The following SAXO1 variants were observed in gnomAD, a reference collection of about 807,000 sequenced individuals.
The protein encoded by SAXO1 is stabilizer of axonemal microtubules 1.
Under a neutral mutation model 17.5 loss-of-function variants are expected in SAXO1, and 21 were observed. The ratio of observed to expected loss-of-function variants is 1.20; its 90% CI spans 0.85 to 1.72. The LOEUF (loss-of-function observed/expected upper bound fraction) is 1.72, where lower values mean the gene tolerates loss of function less well. Among genes scored for constraint, SAXO1 ranks in the 40% most tolerant of loss-of-function variants. The pLI is 0.00. For missense variants in SAXO1, 843 were observed against 596.0 expected (o/e 1.41, Z -4.32); for synonymous variants, 274 against 216.5 (o/e 1.27, Z -2.33).
chr9:18,933,116 G>A (rs1831126358), intron 3 of SAXO1, among the ~76,000 whole-genome samples: 1 of 152,198 alleles, frequency 6.6e-6, no homozygotes, highest in Non-Finnish European at 1.5e-5. Context: ...CAATCTTAGG[G>A]GGAAGCCATT....
intron 1 of SAXO1, among the ~76,000 whole-genome samples, chr9:19,041,033 AT>A (rs1215203656): frequency 2.0e-5 from 3 of 152,050 alleles, no homozygotes; most frequent in Non-Finnish European, 2.9e-5. Flanking sequence ...ATGTTCTTAT[AT>A]TTGGAAAAAC....
chr9:18,929,511 C>T (rs1207749129), intron 3 of SAXO1, among the ~76,000 whole-genome samples: 1 of 152,202 alleles, frequency 6.6e-6, no homozygotes, highest in Non-Finnish European at 1.5e-5. Context: ...TGAACCAGGC[C>T]TACCTGGTCG....
intron 1 of SAXO1, among the ~76,000 whole-genome samples, chr9:18,959,866 T>C (rs1480920616): frequency 6.7e-6 from 1 of 148,430 alleles, no homozygotes; most frequent in African/African-American, 2.5e-5. Context: ...ATTCCAGGAG[T>C]AGTAATGCCA....
At chr9:18,987,897 A>C (rs1833660052) in intron 1 of SAXO1, among the ~76,000 whole-genome samples, 1 of 38,504 alleles carries the variant, frequency 2.6e-5, no homozygotes, top group Non-Finnish European at 1.1e-4. Flanking sequence ...ACCCTGTCTC[A>C]AAAAAAAAAA....
intron 1 of SAXO1, among the ~76,000 whole-genome samples, chr9:19,008,417 T>C (rs569504879): frequency 6.6e-6 from 1 of 152,326 alleles, no homozygotes; most frequent in Non-Finnish European, 1.5e-5. Context: ...ATCCAAGCAA[T>C]AGGGCCATTC....
At chr9:19,016,798 C>CT (rs34423268) in intron 1 of SAXO1, among the ~76,000 whole-genome samples, 5,925 of 111,228 alleles carry the variant, frequency 0.053, 220 homozygotes, top group African/African-American at 0.067. Flanking sequence ...TAACATCTGA[C>CT]TTTTTTTTTT....
rs949621205 is a variant in SAXO1, at chr9:19,013,828, T to G, written c.38+19043A>C. On this transcript the variant is annotated intron_variant, in intron 1 of 3. Transcript: ENST00000380534. The stretch of plus-strand genomic sequence containing the variant: ...TCCCAAAGTGTTAGGATTACAGGTG[T>G]GAGGCGCCACGCCCAGCCCAGATAT... 3.3e-5 allele frequency among the ~76,000 whole-genome samples: 5 copies of G among 152,082 alleles called. No homozygotes were observed. In the South Asian group the frequency reaches 8.3e-4, roughly 25 times the overall value.
At chr9:19,046,333 A>G (rs909533980) in intron 1 of SAXO1, among the ~76,000 whole-genome samples, 3 of 152,174 alleles carry the variant, frequency 2.0e-5, no homozygotes, top group African/African-American at 7.2e-5. Flanking sequence ...TAGGATGAGA[A>G]AAATCTCCTG....
intron 3 of SAXO1, among the ~76,000 whole-genome samples, chr9:18,939,587 G>C (rs1831460774): frequency 6.6e-6 from 1 of 152,204 alleles, no homozygotes; most frequent in Non-Finnish European, 1.5e-5. Flanking sequence ...ATTCTATATA[G>C]AAGGCATCAC....
chr9:19,042,871 A>G (rs1043372622), intron 1 of SAXO1, among the ~76,000 whole-genome samples: 6 of 151,980 alleles, frequency 3.9e-5, no homozygotes, highest in African/African-American at 7.3e-5. Flanking sequence ...TCATAAAGAG[A>G]AAGAAAGAAA....
intron 1 of SAXO1, among the ~76,000 whole-genome samples, chr9:18,965,027 C>G (rs1020609189): frequency 6.6e-6 from 1 of 152,192 alleles, no homozygotes; most frequent in Admixed American, 6.5e-5. Context: ...AGTAGACATT[C>G]AGGAGCAGGT....
intron 1 of SAXO1, among the ~76,000 whole-genome samples, chr9:18,965,077 T>C (rs1229125207): frequency 6.6e-6 from 1 of 152,236 alleles, no homozygotes; most frequent in Non-Finnish European, 1.5e-5. Flanking sequence ...TGAGTGAGTT[T>C]CTTAATCCCG....
chr9:18,932,329 T>C (rs4977472), intron 3 of SAXO1, among the ~76,000 whole-genome samples: 131,485 of 152,222 alleles, frequency 0.86, 56,951 homozygotes, highest in African/African-American at 0.92. Context: ...TGTGAGAAGT[T>C]AACGACAATA....
chr9:19,024,451 GCGA>G (rs1563988778), intron 1 of SAXO1, among the ~76,000 whole-genome samples: 3 of 151,562 alleles, frequency 2.0e-5, no homozygotes, highest in African/African-American at 7.3e-5. Flanking sequence ...GTGGGGTGGG[GCGA>G]GGGGGGGAGG....
chr9:19,022,120 A>C (rs1216252831), intron 1 of SAXO1, among the ~76,000 whole-genome samples: 9 of 152,202 alleles, frequency 5.9e-5, no homozygotes, highest in African/African-American at 1.9e-4. Flanking sequence ...TTCATTCCTG[A>C]AATCAGCAAG....
At chr9:19,027,369 G>T in intron 1 of SAXO1, 1 of 774,746 alleles carries the variant, frequency 1.3e-6, no homozygotes, top group South Asian at 1.4e-5. Flanking sequence ...AGGCCACAGA[G>T]GTGGATGAGA....
chr9:18,941,641 A>G lies in SAXO1; in HGVS notation c.417T>C (p.Tyr139=). 1 of 1,614,046 alleles carries G rather than the reference A, an allele frequency of 6.2e-7. No individual in the cohort carries two copies. The highest frequency in any genetic ancestry group is 8.5e-7 in the Non-Finnish European group (1 of 1,180,002). ...TGCCCCTCTGTGCTCTCCCACCTTT[A>G]TAAGTAGGCAAACACTCCATCTTGT... ...CSDKMECLPT[Y]KADYLPWNQP... is the part of the protein sequence containing the mutation. The change falls in exon 3 of 4, where the codon TAT becomes TAC. Residue 139 remains tyrosine (Y), a synonymous_variant. Transcript: ENST00000380534.
intron 3 of SAXO1, among the ~76,000 whole-genome samples, chr9:18,932,333 G>A (rs1383049314): frequency 8.5e-5 from 13 of 152,270 alleles, no homozygotes; most frequent in East Asian, 3.9e-4. Flanking sequence ...AGAAGTTAAC[G>A]ACAATAGACA....
intron 1 of SAXO1, among the ~76,000 whole-genome samples, chr9:18,974,203 A>G (rs1833050526): frequency 6.6e-6 from 1 of 152,248 alleles, no homozygotes; most frequent in African/African-American, 2.4e-5. Context: ...CCAGGTTCTT[A>G]TCCTCAAAAT....
Sources: allele counts gnomAD v4.1 joint callset (sites outside exome capture counted in the v4.1 genomes callset), GRCh38; gene constraint gnomAD v4.1.1; transcripts MANE v1.5; gene names NCBI Gene and HGNC (gene_info 2026-07-23, HGNC 2026-07-21).